SPATA6: variants seen among roughly 807,000 people sequenced by gnomAD.
The protein encoded by SPATA6 is spermatogenesis-associated protein 6.
Under a neutral mutation model 65.3 loss-of-function variants are expected in SPATA6, and 56 were observed. That is an observed-to-expected ratio of 0.86 (90% CI 0.69 to 1.07). SPATA6 has a LOEUF of 1.07. Among genes scored for constraint, SPATA6 ranks in the 50% least tolerant of loss-of-function variants. The pLI, the probability that SPATA6 is intolerant of heterozygous loss-of-function variation, is 0.00. For missense variants in SPATA6, 590 were observed against 594.8 expected (o/e 0.99, Z 0.08); for synonymous variants, 199 against 213.2 (o/e 0.93, Z 0.58).
intron 9 of SPATA6, among the ~76,000 whole-genome samples, chr1:48,365,838 G>T (rs1383603365): frequency 2.6e-5 from 4 of 152,148 alleles, no homozygotes; most frequent in African/African-American, 9.7e-5. Context: ...ATGTTGAATA[G>T]GAGTGGTGAG....
At chr1:48,283,958 G>A in the SPATA6 span, among the ~76,000 whole-genome samples, 1 of 152,074 alleles carries the variant, frequency 6.6e-6, no homozygotes, top group African/African-American at 2.4e-5. Context: ...TATATTTCCT[G>A]AATTTGAATG....
chr1:48,267,484 A>T, the SPATA6 span, among the ~76,000 whole-genome samples: 1 of 152,098 alleles, frequency 6.6e-6, no homozygotes, highest in African/African-American at 2.4e-5. Context: ...ATGGAGGTAG[A>T]TCTCAGCAGA....
chr1:48,343,909 G>A (rs1286305311), intron 11 of SPATA6, among the ~76,000 whole-genome samples: 3 of 151,992 alleles, frequency 2.0e-5, no homozygotes, highest in Non-Finnish European at 2.9e-5. Context: ...AAAATCCCCA[G>A]TTAATAACAG....
the SPATA6 span, among the ~76,000 whole-genome samples, chr1:48,283,591 A>T: frequency 6.7e-6 from 1 of 148,248 alleles, no homozygotes; most frequent in Non-Finnish European, 1.5e-5. Context: ...AGGCAGGAGA[A>T]TGGCTTGAAC....
chr1:48,395,663 A>G (rs1239741203), intron 7 of SPATA6, among the ~76,000 whole-genome samples: 1 of 151,950 alleles, frequency 6.6e-6, no homozygotes, highest in Non-Finnish European at 1.5e-5. Context: ...CAAGGTTAAA[A>G]AAAGAGCAAT....
At chr1:48,304,698 G>A (rs1396943737) in intron 12 of SPATA6, among the ~76,000 whole-genome samples, 4 of 152,014 alleles carry the variant, frequency 2.6e-5, no homozygotes, top group Non-Finnish European at 5.9e-5. Context: ...ATAAGAACCA[G>A]CATCTATGGG....
chr1:48,379,289 C>A (rs992110453), intron 9 of SPATA6, among the ~76,000 whole-genome samples: 8 of 152,292 alleles, frequency 5.3e-5, no homozygotes, highest in African/African-American at 1.9e-4. Flanking sequence ...AAATTGCCTT[C>A]ATGATCCAGT....
At chr1:48,279,554 T>A in the SPATA6 span, among the ~76,000 whole-genome samples, 1 of 152,052 alleles carries the variant, frequency 6.6e-6, no homozygotes, top group African/African-American at 2.4e-5. Flanking sequence ...AAAACAGACT[T>A]TAAATCAACA....
At chr1:48,283,905 T>A in the SPATA6 span, among the ~76,000 whole-genome samples, 3 of 152,046 alleles carry the variant, frequency 2.0e-5, no homozygotes, top group Non-Finnish European at 4.4e-5. Context: ...CAATTATGTG[T>A]CTTGGGGTTG....
At chr1:48,346,939 G>A (rs942357987) in intron 11 of SPATA6, among the ~76,000 whole-genome samples, 1 of 151,950 alleles carries the variant, frequency 6.6e-6, no homozygotes, top group African/African-American at 2.4e-5. Flanking sequence ...AACTACTATT[G>A]AGATTCTTCA....
rs1291624238 is a variant in SPATA6, at chr1:48,472,103, T to C, written c.-95A>G. 3.9e-6 allele frequency: 4 copies of C among 1,028,674 alleles called. No individual in the cohort carries two copies. The highest frequency in any genetic ancestry group is 2.7e-6 in the Non-Finnish European group (2 of 750,672). The allele number at this position is 1,028,674 out of a possible 1,614,324, so 63.7% of individuals were successfully genotyped here. ...GGGCGGGGACGGGGAGGAGACGAGGTGGCGGCGGCGGTGGCAGCAGTGGCC... is the reference window on the plus strand; with the variant it reads ...GGGCGGGGACGGGGAGGAGACGAGGCGGCGGCGGCGGTGGCAGCAGTGGCC... On this transcript the variant is annotated 5_prime_UTR_variant, in exon 1 of 13. Transcript: ENST00000371847.
At chr1:48,461,062 A>G (rs1657392444) in intron 1 of SPATA6, among the ~76,000 whole-genome samples, 1 of 152,170 alleles carries the variant, frequency 6.6e-6, no homozygotes, top group African/African-American at 2.4e-5. Flanking sequence ...GTAAGACAGG[A>G]GAGAACAGCA....
At chr1:48,398,778 T>G (rs1039117128) in intron 7 of SPATA6, among the ~76,000 whole-genome samples, 1 of 151,742 alleles carries the variant, frequency 6.6e-6, no homozygotes, top group African/African-American at 2.4e-5. Flanking sequence ...GACTCTAAAT[T>G]TCAACTATAT....
chr1:48,309,350 A>G (rs534538972), intron 11 of SPATA6, among the ~76,000 whole-genome samples: 57 of 152,246 alleles, frequency 3.7e-4, no homozygotes, highest in Non-Finnish European at 5.4e-4. Context: ...AAGTCCAATA[A>G]TATTTTCTTC....
rs1156435653 is a variant in SPATA6 at position 48,297,017 on chromosome 1, G to A, written c.*1696C>T. The A allele has an allele frequency of 1.3e-5, 2 of 150,510 alleles. No homozygotes were observed. The highest frequency in any genetic ancestry group is 4.9e-5 in the African/African-American group (2 of 41,062). 9.3% of individuals were successfully genotyped at this position (150,510 alleles called of 1,614,324 possible). On this transcript the variant is annotated 3_prime_UTR_variant, in exon 13 of 13. Transcript: ENST00000371847. ...CAAGCTACTGTTCACAATGAGCACA[G>A]TGACCATATATCCTAATTTGCTGTA...
the SPATA6 span, among the ~76,000 whole-genome samples, chr1:48,286,701 T>C: frequency 1.3e-5 from 2 of 152,154 alleles, no homozygotes; most frequent in Non-Finnish European, 2.9e-5. Flanking sequence ...CGTCTTATAT[T>C]GATATAAAGT....
At chr1:48,342,240 T>A (rs1646238987) in intron 11 of SPATA6, among the ~76,000 whole-genome samples, 1 of 152,188 alleles carries the variant, frequency 6.6e-6, no homozygotes, top group Non-Finnish European at 1.5e-5. Flanking sequence ...AAATTTTGTT[T>A]TTTAAAAAAT....
At chr1:48,274,172 G>T in the SPATA6 span, among the ~76,000 whole-genome samples, 1 of 151,912 alleles carries the variant, frequency 6.6e-6, no homozygotes, top group Non-Finnish European at 1.5e-5. Flanking sequence ...CATATCCTTC[G>T]CTCACTTTTT....
intron 11 of SPATA6, among the ~76,000 whole-genome samples, chr1:48,324,879 A>T (rs532841503): frequency 3.5e-4 from 54 of 152,314 alleles, no homozygotes; most frequent in African/African-American, 1.3e-3. Context: ...AGGGCATCCA[A>T]CTTTATTGGA....
Sources: allele counts gnomAD v4.1 joint callset (sites outside exome capture counted in the v4.1 genomes callset), GRCh38; gene constraint gnomAD v4.1.1; transcripts MANE v1.5; gene names NCBI Gene and HGNC (gene_info 2026-07-23, HGNC 2026-07-21).